The following PEDS1 variants were observed in gnomAD, a reference collection of about 807,000 sequenced individuals.
The protein encoded by PEDS1 is plasmanylethanolamine desaturase 1, also known as CarF homolog.
PEDS1 carries 14 observed loss-of-function variants against 35.2 expected under a neutral mutation model. The observed-to-expected ratio is 0.40, with a 90% confidence interval of 0.26 to 0.62. The LOEUF is 0.62. Ranked by LOEUF, PEDS1 falls within the 20% of genes least tolerant of loss-of-function variation. PEDS1 has a pLI of 0.44. For missense variants in PEDS1, 260 were observed against 367.8 expected (o/e 0.71, Z 2.40); for synonymous variants, 152 against 152.0 (o/e 1.00, Z 0.00).
At chr20:50,133,541 G>A (rs942173456) in intron 2 of PEDS1, among the ~76,000 whole-genome samples, 1 of 152,158 alleles carries the variant, frequency 6.6e-6, no homozygotes, top group Non-Finnish European at 1.5e-5. Flanking sequence ...TTGTGATGGG[G>A]AGGGTGGACC....
chr20:50,148,044 C>A (rs571057976), intron 1 of PEDS1, among the ~76,000 whole-genome samples: 4 of 152,140 alleles, frequency 2.6e-5, no homozygotes, highest in Non-Finnish European at 5.9e-5. Context: ...GAGCCGAGAT[C>A]GTGCCACTGT....
Position 50,125,038 on chromosome 20 carries a change from A to G in PEDS1, c.*20T>C. The G allele has an allele frequency of 6.2e-7, 1 of 1,612,584 alleles. No individual in the cohort carries two copies. The highest frequency in any genetic ancestry group is 2.2e-5 in the East Asian group (1 of 44,828). On this transcript the variant is annotated 3_prime_UTR_variant, in exon 6 of 6. Transcript: ENST00000371652. ...TGGGGGCTAGGGAAGGTTGGCAACC[A>G]GGTAGCAGGCTCGGAGAAGTTATTT...
chr20:50,134,136 T>TA (rs1330602074), intron 2 of PEDS1, among the ~76,000 whole-genome samples: 2 of 152,250 alleles, frequency 1.3e-5, no homozygotes, highest in Admixed American at 1.3e-4. Flanking sequence ...ACACTGTGCC[T>TA]ACTCTAGGCC....
At chr20:50,126,802 C>T (rs535247489) in intron 5 of PEDS1, among the ~76,000 whole-genome samples, 7 of 152,326 alleles carry the variant, frequency 4.6e-5, no homozygotes, top group East Asian at 1.9e-4. Context: ...GAGCATGGCA[C>T]GTGGGCCTCC....
chr20:50,141,529 C>T (rs1181199544), intron 2 of PEDS1, among the ~76,000 whole-genome samples: 1 of 152,218 alleles, frequency 6.6e-6, no homozygotes, highest in African/African-American at 2.4e-5. Context: ...TGCCAGCAGC[C>T]TCATTTACAC....
chr20:50,145,958 C>T (rs2081341260), intron 1 of PEDS1, among the ~76,000 whole-genome samples: 1 of 152,138 alleles, frequency 6.6e-6, no homozygotes, highest in East Asian at 1.9e-4. Context: ...GACCAGAATT[C>T]CATGGCCAGA....
chr20:50,140,287 T>C (rs1031100958), intron 2 of PEDS1, among the ~76,000 whole-genome samples: 10 of 152,248 alleles, frequency 6.6e-5, no homozygotes, highest in Non-Finnish European at 2.9e-5. Context: ...GGCTGGACCA[T>C]GGCAGGCGCC....
rs1347194892 is a variant in PEDS1, at chr20:50,123,838, G to A, written c.*1220C>T. The stretch of plus-strand genomic sequence containing the variant: ...GTCAGCTCCACCAGGATAGGTCTTT[G>A]TTGGTTCTTTCACCGCTGTACCTGT... On this transcript the variant is annotated 3_prime_UTR_variant, in exon 6 of 6. Coordinates refer to ENST00000371652, the MANE Select transcript of PEDS1 (RefSeq NM_199129.4). The A allele has an allele frequency of 6.6e-6, 1 of 152,218 alleles. No individual in the cohort carries two copies. The highest frequency in any genetic ancestry group is 1.5e-5 in the Non-Finnish European group (1 of 68,042). The allele number at this position is 152,218 out of a possible 1,614,324, so 9.4% of individuals were successfully genotyped here.
In PEDS1 at chr20:50,128,517, TAAG is replaced by T. The variant is rs756749659; in HGVS notation, c.479-333_479-331del. On this transcript the variant is annotated intron_variant, in intron 4 of 5. Coordinates refer to ENST00000371652, the MANE Select transcript of PEDS1 (RefSeq NM_199129.4). The surrounding 1 kb of genome is among the most constrained non-coding windows in gnomAD (Gnocchi z 5.2). ...TGGGCTGGATCGGTGACTCTGCCTCTAAGAAGCTTAATTTCCCCATCAGGAAAA... is the reference window on the plus strand; with the variant it reads ...TGGGCTGGATCGGTGACTCTGCCTCTAAGCTTAATTTCCCCATCAGGAAAA... 4.3e-4 allele frequency among the ~76,000 whole-genome samples: 66 copies of T among 152,310 alleles called. No individual in the cohort carries two copies. The highest frequency in any genetic ancestry group is 9.0e-4 in the Non-Finnish European group (61 of 68,028).
chr20:50,151,892 C>CA (rs1005256737), intron 1 of PEDS1, among the ~76,000 whole-genome samples: 5 of 151,876 alleles, frequency 3.3e-5, no homozygotes, highest in Non-Finnish European at 1.5e-5. Context: ...CAAAAAACAA[C>CA]AAAAAAACCC....
rs2081044852 is a variant in PEDS1 at position 50,120,747 on chromosome 20, G to T, written c.*4311C>A. 6.6e-6 allele frequency: 1 copy of T among 152,164 alleles called. No homozygotes were observed. The allele number at this position is 152,164 out of a possible 1,614,324, so 9.4% of individuals were successfully genotyped here. Reference sequence around the variant, plus strand: ...CCCGCTATTCAAGAGGCTGAAATGGGAGGATTGCTTGAGCCTGGGAGGTTG... The same window carrying T: ...CCCGCTATTCAAGAGGCTGAAATGGTAGGATTGCTTGAGCCTGGGAGGTTG... On this transcript the variant is annotated 3_prime_UTR_variant, in exon 6 of 6. Coordinates refer to ENST00000371652, the MANE Select transcript of PEDS1 (RefSeq NM_199129.4).
In PEDS1 at chr20:50,153,659, G is replaced by T; in HGVS notation, c.-22C>A. On this transcript the variant is annotated 5_prime_UTR_variant, in exon 1 of 6. Coordinates refer to ENST00000371652, the MANE Select transcript of PEDS1 (RefSeq NM_199129.4). ...CCATGGCCACTCGCCCGATCGGCCC[G>T]GTGCGCTCTGCTGGCGGCGGCGGCG... The T allele has an allele frequency of 4.1e-6, 5 of 1,222,810 alleles. No homozygotes were observed. The highest frequency in any genetic ancestry group is 5.1e-6 in the Non-Finnish European group (5 of 981,924). 75.7% of individuals were successfully genotyped at this position (1,222,810 alleles called of 1,614,324 possible).
rs553869368 is a variant in PEDS1 at position 50,152,706 on chromosome 20, G to A, written c.121+811C>T. On this transcript the variant is annotated intron_variant, in intron 1 of 5. Transcript: ENST00000371652. Reference sequence around the variant, plus strand: ...GGGAATATGGGGGTTCCAGTCCCAAGTCCTAAGGAAGGGGCCAATACATGG... The same window carrying A: ...GGGAATATGGGGGTTCCAGTCCCAAATCCTAAGGAAGGGGCCAATACATGG... Among the ~76,000 whole-genome samples, 27 of 152,258 alleles carry A rather than the reference G, an allele frequency of 1.8e-4. No homozygotes were observed. In the South Asian group the frequency reaches 5.2e-3, roughly 29 times the overall value.
rs144339369 is a variant in PEDS1, at chr20:50,153,247, G to A, written c.121+270C>T. Among the ~76,000 whole-genome samples the A allele has an allele frequency of 4.6e-5, 7 of 152,156 alleles. No homozygotes were observed. The East Asian group carries it at 1.2e-3, about 25-fold the overall frequency. On this transcript the variant is annotated intron_variant, in intron 1 of 5. Coordinates refer to ENST00000371652, the MANE Select transcript of PEDS1 (RefSeq NM_199129.4). ...CCGGGGCTAGGATTCCGTATCTGCG[G>A]GTCCGATGGGAGCTCCGTTTGTCGC... is the stretch of plus-strand genomic sequence containing the variant.
chr20:50,132,908 G>T (rs913765494), intron 2 of PEDS1, among the ~76,000 whole-genome samples: 1 of 152,168 alleles, frequency 6.6e-6, no homozygotes, highest in African/African-American at 2.4e-5. Context: ...ACATGTCTAT[G>T]GGGAAACGCT....
chr20:50,143,950 G>A (rs910195308), intron 1 of PEDS1, among the ~76,000 whole-genome samples: 33 of 152,160 alleles, frequency 2.2e-4, no homozygotes, highest in Non-Finnish European at 4.3e-4. Flanking sequence ...GCCCACCTTG[G>A]CCTCCCAAAG....
At chr20:50,134,983 T>C (rs967308343) in intron 2 of PEDS1, among the ~76,000 whole-genome samples, 1 of 150,496 alleles carries the variant, frequency 6.6e-6, no homozygotes, top group Non-Finnish European at 1.5e-5. Context: ...AGGAGTTTGA[T>C]ACCAGTCTGG....
At chr20:50,151,525 G>A (rs2081403003) in intron 1 of PEDS1, among the ~76,000 whole-genome samples, 1 of 152,194 alleles carries the variant, frequency 6.6e-6, no homozygotes, top group African/African-American at 2.4e-5. Flanking sequence ...GGACCAGAGA[G>A]GTGAGGCGGA....
intron 3 of PEDS1, among the ~76,000 whole-genome samples, chr20:50,130,488 C>A (rs756771041): frequency 2.6e-5 from 4 of 152,112 alleles, no homozygotes; most frequent in Non-Finnish European, 4.4e-5. Context: ...GAATCAGTAC[C>A]CTTGTTTGCC....
Sources: gnomAD v4.1 joint callset for allele counts (sites outside exome capture counted in the v4.1 genomes callset) on GRCh38, gnomAD v4.1.1 for gene constraint, Gnocchi (gnomAD v3.1) non-coding constraint, MANE v1.5 for transcripts, NCBI Gene and HGNC (gene_info 2026-07-23, HGNC 2026-07-21) for gene names.